PLCB1: variants seen among roughly 807,000 people sequenced by gnomAD.
The protein encoded by PLCB1 is phospholipase C beta 1.
Under a neutral mutation model 161.8 loss-of-function variants are expected in PLCB1, and 46 were observed. That is an observed-to-expected ratio of 0.28 (90% CI 0.22 to 0.36). The LOEUF (loss-of-function observed/expected upper bound fraction) is 0.36, where lower values mean the gene tolerates loss of function less well. Ranked by LOEUF, PLCB1 falls within the 10% of genes least tolerant of loss-of-function variation. PLCB1 has a pLI of 1.00. For missense variants in PLCB1, 1,016 were observed against 1,472.5 expected, an observed-to-expected ratio of 0.69 and a Z score of 5.07; for synonymous variants, 517 against 503.7, an observed-to-expected ratio of 1.03 and a Z score of -0.35.
chr20:8,357,698 A>G (rs1040521505), intron 2 of PLCB1, among the ~76,000 whole-genome samples: 8 of 152,072 alleles, frequency 5.3e-5, no homozygotes, highest in African/African-American at 1.9e-4. Flanking sequence ...AAAAATGAGA[A>G]TGTCTGGATT....
intron 2 of PLCB1, among the ~76,000 whole-genome samples, chr20:8,177,035 T>G (rs1378528107): frequency 6.6e-6 from 1 of 152,198 alleles, no homozygotes; most frequent in Non-Finnish European, 1.5e-5. Flanking sequence ...TGTCAATGTT[T>G]GTTGGTATTA....
At chr20:8,400,737 T>C (rs867765352) in intron 3 of PLCB1, among the ~76,000 whole-genome samples, 5 of 152,196 alleles carry the variant, frequency 3.3e-5, no homozygotes, top group Non-Finnish European at 7.4e-5. Flanking sequence ...TAGAGTATTA[T>C]TTCATTTTAT....
chr20:8,875,415 T>C (rs1414333656), intron 31 of PLCB1, among the ~76,000 whole-genome samples: 1 of 147,660 alleles, frequency 6.8e-6, no homozygotes, highest in Admixed American at 6.8e-5. Flanking sequence ...ACGTAGTATA[T>C]ATAATATACA....
At chr20:8,371,321 C>A in intron 2 of PLCB1, 61 bp from the exon 3 acceptor site, 1 of 1,123,280 alleles carries the variant, frequency 8.9e-7, no homozygotes, top group Non-Finnish European at 1.3e-6. Context: ...ATGTCAATGA[C>A]ATAAAACAAA....
At chr20:8,741,411 G>A in intron 22 of PLCB1, 53 bp from the exon 23 acceptor site, 6 of 1,230,666 alleles carry the variant, frequency 4.9e-6, no homozygotes, top group Non-Finnish European at 7.2e-6. Context: ...GATGAATGAT[G>A]GATAATCAAT....
At chr20:8,581,200 T>C (rs960356077) in intron 3 of PLCB1, among the ~76,000 whole-genome samples, 2 of 152,212 alleles carry the variant, frequency 1.3e-5, no homozygotes, top group African/African-American at 4.8e-5. Flanking sequence ...TTTTTCACAA[T>C]CTGTACCCCA....
At chr20:8,328,851 G>T (rs1177091842) in intron 2 of PLCB1, among the ~76,000 whole-genome samples, 3 of 152,130 alleles carry the variant, frequency 2.0e-5, no homozygotes, top group Non-Finnish European at 4.4e-5. Flanking sequence ...ATGATATTAT[G>T]TTATGGCCAA....
chr20:8,311,466 T>G lies in PLCB1; in HGVS notation c.178-59916T>G, dbSNP rs201516112. Among the ~76,000 whole-genome samples, 9 of 152,326 alleles carry G rather than the reference T, an allele frequency of 5.9e-5. No individual in the cohort carries two copies. The East Asian group carries it at 1.5e-3, about 26-fold the overall frequency. On this transcript the variant is annotated intron_variant, in intron 2 of 31. Coordinates refer to ENST00000338037, the MANE Select transcript of PLCB1 (RefSeq NM_015192.4). ...TTTATGTGGTCAGGGAGGATTTGAT[T>G]GAGTTGGAAAGTGGATCATTTGTAC...
chr20:8,318,677 C>G (rs961174395), intron 2 of PLCB1, among the ~76,000 whole-genome samples: 2 of 152,074 alleles, frequency 1.3e-5, no homozygotes, highest in Non-Finnish European at 2.9e-5. Context: ...TCTATACCCA[C>G]TCCTGTGTTT....
At chr20:8,211,898 A>C (rs576479056) in intron 2 of PLCB1, among the ~76,000 whole-genome samples, 39 of 152,136 alleles carry the variant, frequency 2.6e-4, no homozygotes, top group Non-Finnish European at 5.0e-4. Flanking sequence ...ATCTTCATTA[A>C]GCTATTAATA....
intron 31 of PLCB1, among the ~76,000 whole-genome samples, chr20:8,813,365 A>G (rs781535011): frequency 6.6e-6 from 1 of 152,230 alleles, no homozygotes; most frequent in African/African-American, 2.4e-5. Context: ...TTCTGCTGTT[A>G]CATTCAGAAA....
intron 27 of PLCB1, among the ~76,000 whole-genome samples, chr20:8,785,306 G>T (rs2050335232): frequency 1.3e-5 from 2 of 151,932 alleles, no homozygotes; most frequent in African/African-American, 4.8e-5. Context: ...TGTAGATTCT[G>T]ACTTAGTTGA....
At chr20:8,306,263 G>A (rs1984133608) in intron 2 of PLCB1, 1 of 152,202 alleles carries the variant, frequency 6.6e-6, no homozygotes, top group Admixed American at 6.5e-5. Flanking sequence ...AAGACTCAGT[G>A]TCTCAGACAA....
chr20:8,304,669 C>G (rs1046804307), intron 2 of PLCB1, among the ~76,000 whole-genome samples: 4 of 150,660 alleles, frequency 2.7e-5, no homozygotes, highest in Non-Finnish European at 5.9e-5. Context: ...TCCACTTGCT[C>G]TTATGTAAAT....
chr20:8,146,332 A>C (rs1226673217), intron 1 of PLCB1, among the ~76,000 whole-genome samples: 1 of 152,180 alleles, frequency 6.6e-6, no homozygotes, highest in Non-Finnish European at 1.5e-5. Flanking sequence ...GCTTTCCTTG[A>C]GGAAGTCACT....
intron 3 of PLCB1, among the ~76,000 whole-genome samples, chr20:8,376,694 T>A (rs571558160): frequency 6.6e-6 from 1 of 152,118 alleles, no homozygotes. Flanking sequence ...TTTGGGTGGC[T>A]GAGGCGGGCG....
chr20:8,391,725 A>G (rs1987589440), intron 3 of PLCB1, among the ~76,000 whole-genome samples: 1 of 147,164 alleles, frequency 6.8e-6, no homozygotes, highest in Non-Finnish European at 1.5e-5. Context: ...TTTTCAGTGT[A>G]TTCTTCTTAA....
At chr20:8,437,148 T>A (rs1347433141) in intron 3 of PLCB1, among the ~76,000 whole-genome samples, 1 of 152,108 alleles carries the variant, frequency 6.6e-6, no homozygotes, top group Non-Finnish European at 1.5e-5. Context: ...CCTTCCCCTG[T>A]AGCCAGGAGT....
At chr20:8,459,039 G>C (rs1381929309) in intron 3 of PLCB1, among the ~76,000 whole-genome samples, 1 of 152,166 alleles carries the variant, frequency 6.6e-6, no homozygotes, top group Non-Finnish European at 1.5e-5. Flanking sequence ...TAAAAGCTGG[G>C]TTTTAGCAAA....
Sources: allele counts gnomAD v4.1 joint callset (sites outside exome capture counted in the v4.1 genomes callset), GRCh38; gene constraint gnomAD v4.1.1; transcripts MANE v1.5; gene names NCBI Gene and HGNC (gene_info 2026-07-23, HGNC 2026-07-21).